SMARCD3: variants seen among roughly 807,000 people sequenced by gnomAD.
The protein encoded by SMARCD3 is SWI/SNF-related matrix-associated actin-dependent regulator of chromatin subfamily D member 3.
In SMARCD3, 14 loss-of-function variants were observed where a neutral mutation model predicts 58.0. That is an observed-to-expected ratio of 0.24 (90% CI 0.16 to 0.38). The LOEUF (loss-of-function observed/expected upper bound fraction) is 0.38, where lower values mean the gene tolerates loss of function less well. Among genes scored for constraint, SMARCD3 ranks in the 10% least tolerant of loss-of-function variants. The probability of loss-of-function intolerance (pLI) is 1.00; values close to 1 mark genes in which losing one functional copy is unlikely to be tolerated. For missense variants in SMARCD3, 408 were observed against 636.9 expected (o/e 0.64, Z 3.87); for synonymous variants, 253 against 253.8 (o/e 1.00, Z 0.03).
intron 2 of SMARCD3, among the ~76,000 whole-genome samples, chr7:151,261,209 T>C (rs1030838952): frequency 2.0e-5 from 3 of 152,214 alleles, no homozygotes; most frequent in South Asian, 4.1e-4. Flanking sequence ...GTTTCTCCAG[T>C]TGGCACTGCT....
upstream of SMARCD3, among the ~76,000 whole-genome samples, chr7:151,253,327 T>C (rs1020027266): frequency 3.9e-5 from 6 of 151,918 alleles, no homozygotes; most frequent in Admixed American, 6.5e-5. Context: ...TCAGAGTAGC[T>C]CTCTCTGGGT....
intron 2 of SMARCD3, among the ~76,000 whole-genome samples, chr7:151,244,625 T>C: frequency 6.6e-6 from 1 of 152,220 alleles, no homozygotes. Context: ...ATCAGGGAAT[T>C]ACCATTTGCT....
intron 2 of SMARCD3, among the ~76,000 whole-genome samples, chr7:151,266,307 T>A (rs1804077828): frequency 6.6e-6 from 1 of 151,914 alleles, no homozygotes; most frequent in African/African-American, 2.4e-5. Context: ...CATGTCTCCC[T>A]ATCCCCTACT....
At chr7:151,260,119 G>T (rs1803869867) in intron 2 of SMARCD3, among the ~76,000 whole-genome samples, 1 of 152,136 alleles carries the variant, frequency 6.6e-6, no homozygotes, top group African/African-American at 2.4e-5. Context: ...ACAGGGTGGG[G>T]CTAGGATTGC....
chr7:151,253,901 G>GT (rs1554489287), intron 2 of SMARCD3, among the ~76,000 whole-genome samples: 100 of 152,094 alleles, frequency 6.6e-4, no homozygotes, highest in Admixed American at 1.4e-3. Flanking sequence ...TGGCTGTATG[G>GT]CCCTGGAGGG....
At chr7:151,255,947 C>T (rs554084216) in intron 2 of SMARCD3, among the ~76,000 whole-genome samples, 1 of 151,376 alleles carries the variant, frequency 6.6e-6, no homozygotes, top group Non-Finnish European at 1.5e-5. Context: ...GTGGCGCGAT[C>T]TCGGCTCACT....
In SMARCD3 at chr7:151,242,720, C is replaced by T. The variant is rs143183713; in HGVS notation, c.456+1G>A. ...CCCTTCCTACCCCCGAACTAAGGCA[C>T]CTTCATGGGCCTCTTCAGAGCCTCC... On this transcript the variant is annotated splice_donor_variant, in intron 4 of 12. Coordinates refer to ENST00000262188, the MANE Select transcript of SMARCD3 (RefSeq NM_001003801.2). LOFTEE classifies it high-confidence loss of function. The surrounding 1 kb of genome is among the most constrained non-coding windows in gnomAD (Gnocchi z 4.7). 4 of 1,614,122 alleles carry T rather than the reference C, an allele frequency of 2.5e-6. No individual in the cohort carries two copies. Among genetic ancestry groups the T allele is most frequent in the Non-Finnish European group, 3.4e-6 (4 of 1,180,016 alleles).
chr7:151,266,538 T>C (rs1441086183), intron 2 of SMARCD3, among the ~76,000 whole-genome samples: 1 of 152,204 alleles, frequency 6.6e-6, no homozygotes, highest in East Asian at 1.9e-4. Flanking sequence ...GCTGAATGTA[T>C]TGAGAAAGGG....
intron 2 of SMARCD3, among the ~76,000 whole-genome samples, chr7:151,272,513 A>C (rs1330512067): frequency 1.3e-5 from 2 of 152,124 alleles, no homozygotes; most frequent in African/African-American, 2.4e-5. Context: ...AACGATCTTC[A>C]GTCTGGGAAA....
At position 151,242,446 on chromosome 7, in the gene SMARCD3, C is replaced by T; in HGVS notation, c.579+35G>A. The T allele has an allele frequency of 1.2e-6, 2 of 1,607,360 alleles. No homozygotes were observed. The highest frequency in any genetic ancestry group is 1.7e-6 in the Non-Finnish European group (2 of 1,177,470). On this transcript the variant is annotated intron_variant, in intron 5 of 12. Transcript: ENST00000262188. The surrounding 1 kb of genome is among the most constrained non-coding windows in gnomAD (Gnocchi z 4.7). ...GTTCTCAGTGCAGCCCATGCCCACC[C>T]CAGGACACCTGGAGAGACCTGGGCC...
At position 151,240,109 on chromosome 7, in the gene SMARCD3, C is replaced by T. The variant is rs370256956; in HGVS notation, c.1173+3G>A. ...CCACTCCAGCTCTGGGCTTGGGCCC[C>T]ACCTTACTGTCCAGAGCACTGATCT... On this transcript the variant is annotated splice_donor_region_variant and intron_variant, in intron 10 of 12. Coordinates refer to ENST00000262188, the MANE Select transcript of SMARCD3 (RefSeq NM_001003801.2). 2 of 1,614,028 alleles carry T rather than the reference C, an allele frequency of 1.2e-6. No homozygotes were observed. Among genetic ancestry groups the T allele is most frequent in the Non-Finnish European group, 1.7e-6 (2 of 1,180,014 alleles).
In SMARCD3 at chr7:151,242,473, G is replaced by T; in HGVS notation, c.579+8C>A. 1 of 1,612,512 alleles carries T rather than the reference G, an allele frequency of 6.2e-7. No individual in the cohort carries two copies. Among genetic ancestry groups the T allele is most frequent in the Non-Finnish European group, 8.5e-7 (1 of 1,179,882 alleles). On this transcript the variant is annotated splice_region_variant and intron_variant, in intron 5 of 12. Coordinates refer to ENST00000262188, the MANE Select transcript of SMARCD3 (RefSeq NM_001003801.2). The surrounding 1 kb of genome is among the most constrained non-coding windows in gnomAD (Gnocchi z 4.7). ...AGGACACCTGGAGAGACCTGGGCCGGGACGTACATCATCCAGGAGCTTCCC... is the reference window on the plus strand; with the variant it reads ...AGGACACCTGGAGAGACCTGGGCCGTGACGTACATCATCCAGGAGCTTCCC...
chr7:151,260,993 T>TTTA, intron 2 of SMARCD3, among the ~76,000 whole-genome samples: 2 of 152,164 alleles, frequency 1.3e-5, no homozygotes, highest in African/African-American at 4.8e-5. Flanking sequence ...ACTCTGGGGC[T>TTTA]CAAATGGCTA....
chr7:151,254,713 C>T (rs1023414110), intron 2 of SMARCD3, among the ~76,000 whole-genome samples: 2 of 152,186 alleles, frequency 1.3e-5, no homozygotes, highest in Non-Finnish European at 2.9e-5. Context: ...CAGCTAATAG[C>T]TCCCCATGAC....
In SMARCD3 at chr7:151,239,756, GAA is replaced by G; in HGVS notation, c.1174-12_1174-11del. 6.2e-7 allele frequency: 1 copy of G among 1,611,902 alleles called. No homozygotes were observed. The highest frequency in any genetic ancestry group is 2.2e-5 in the East Asian group (1 of 44,778). The stretch of plus-strand genomic sequence containing the variant: ...CAATCGTCTCATGGATCTGCAGGTA[GAA>G]AGATAGATGCTTTCCACCTGGCTTT... On this transcript the variant is annotated splice_polypyrimidine_tract_variant and intron_variant, in intron 10 of 12. Transcript: ENST00000262188. This position sits in a 1 kb window ranked among gnomAD's most constrained non-coding sequence, Gnocchi z 7.0.
rs747085350 is a variant in SMARCD3, at chr7:151,242,835, C to T, written c.342G>A (p.Glu114=). Residue 114 remains glutamate (E), a synonymous_variant, in exon 4 of 13, where the codon GAG becomes GAA. Transcript: ENST00000262188. This position sits in a 1 kb window ranked among gnomAD's most constrained non-coding sequence, Gnocchi z 4.7. ...ADKILPQRIR[E]LVPESQAYMD... ...TGTAAGCCTGGGACTCGGGGACCAG[C>T]TCCCGAATCTGGAGAAGGAGGAGCA... 6.2e-7 allele frequency: 1 copy of T among 1,614,106 alleles called. No individual in the cohort carries two copies. Among genetic ancestry groups the T allele is most frequent in the South Asian group, 1.1e-5 (1 of 91,080 alleles).
At position 151,240,507 on chromosome 7, in the gene SMARCD3, G is replaced by A; in HGVS notation, c.955C>T (p.Arg319Trp). The change falls in exon 9 of 13, where the codon CGG becomes TGG. Residue 319 changes from arginine to tryptophan, a missense_variant. This residue lies in a region of SMARCD3 where 115 missense variants were observed against 257.2 expected (regional missense o/e 0.45). Coordinates refer to ENST00000262188, the MANE Select transcript of SMARCD3 (RefSeq NM_001003801.2). The part of the protein sequence containing the change: ...KYFQQIFDCP[R>W]LKFSEIPQRL... ...TGGGGAATCTCAGAAAACTTCAGCC[G>A]GGGACAATCAAAAATCTGAAGCAGG... The A allele has an allele frequency of 6.2e-7, 1 of 1,613,106 alleles. No homozygotes were observed. Among genetic ancestry groups the A allele is most frequent in the Non-Finnish European group, 8.5e-7 (1 of 1,179,496 alleles).
rs764789707 is a variant in SMARCD3, at chr7:151,239,459, G to A, written c.1335C>T (p.Arg445=). Residue 445 remains arginine (R), a synonymous_variant, in exon 12 of 13, where the codon CGC becomes CGT. Coordinates refer to ENST00000262188, the MANE Select transcript of SMARCD3 (RefSeq NM_001003801.2). This position sits in a 1 kb window ranked among gnomAD's most constrained non-coding sequence, Gnocchi z 7.0. ...TDVAGNPEEE[R]RAEFYHQPWS... ...AGGGCTGGTGGTAGAACTCAGCCCG[G>A]CGCTCCTCTTCAGGGTTGCCGGCTA... 191 of 1,613,714 alleles carry A rather than the reference G, an allele frequency of 1.2e-4. 3 individuals are homozygous for A. The Admixed American group carries it at 3.1e-3, about 26-fold the overall frequency.
intron 1 of SMARCD3, among the ~76,000 whole-genome samples, chr7:151,247,061 C>T (rs1331515382): frequency 6.6e-6 from 1 of 152,138 alleles, no homozygotes; most frequent in Non-Finnish European, 1.5e-5. Flanking sequence ...CTCTGCCTAT[C>T]TCTCCTGCAG....
Sources: allele counts gnomAD v4.1 joint callset (sites outside exome capture counted in the v4.1 genomes callset), GRCh38; gene constraint gnomAD v4.1.1; regional missense constraint gnomAD v4.1.1; non-coding constraint Gnocchi (gnomAD v3.1); transcripts MANE v1.5; gene names NCBI Gene and HGNC (gene_info 2026-07-23, HGNC 2026-07-21).